SHISAL1: variants seen among roughly 807,000 people sequenced by gnomAD.
SHISAL1 encodes the protein protein shisa-like-1.
A neutral mutation model predicts 22.6 loss-of-function variants in SHISAL1; 9 were observed. The observed-to-expected ratio is 0.40, with a 90% CI of 0.24 to 0.70. The LOEUF is 0.70. SHISAL1 is among the 30% of genes least tolerant of loss of function. The pLI is 0.39. For synonymous variants in SHISAL1, 119 were observed against 115.4 expected (o/e 1.03, Z -0.20); for missense variants, 246 against 270.6 (o/e 0.91, Z 0.64).
chr22:44,304,553 T>C (rs1398773993), intron 1 of SHISAL1, among the ~76,000 whole-genome samples: 1 of 151,918 alleles, frequency 6.6e-6, no homozygotes, highest in Non-Finnish European at 1.5e-5. Context: ...CCCGCAGGCC[T>C]CTCTGCTCCC....
At chr22:44,265,114 C>T (rs942953688) in intron 4 of SHISAL1, among the ~76,000 whole-genome samples, 2 of 152,160 alleles carry the variant, frequency 1.3e-5, no homozygotes, top group Non-Finnish European at 2.9e-5. Context: ...TACATTGAGG[C>T]CTGTGGTACG....
At chr22:44,319,968 C>T in the SHISAL1 span, among the ~76,000 whole-genome samples, 94 of 152,212 alleles carry the variant, frequency 6.2e-4, no homozygotes, top group African/African-American at 2.2e-3. Flanking sequence ...TGATTCCAAT[C>T]CCACCTCCAT....
intron 4 of SHISAL1, among the ~76,000 whole-genome samples, chr22:44,258,683 T>C (rs1157301317): frequency 6.6e-6 from 1 of 152,190 alleles, no homozygotes; most frequent in Non-Finnish European, 1.5e-5. Context: ...TAGTCCATGG[T>C]GTATACATAG....
chr22:44,314,880 C>T (rs1007410318), upstream of SHISAL1, among the ~76,000 whole-genome samples: 25 of 152,152 alleles, frequency 1.6e-4, no homozygotes, highest in African/African-American at 6.0e-4. Context: ...CAGAACATTA[C>T]GGGGCATCTC....
rs1158465690 is a variant in SHISAL1, at chr22:44,310,025, A to G, written c.-33+2726T>C. On this transcript the variant is annotated intron_variant, in intron 1 of 4. Transcript: ENST00000381176. This position sits in a 1 kb window ranked among gnomAD's most constrained non-coding sequence, Gnocchi z 4.0. Reference sequence around the variant, plus strand: ...GGCAGCCAGAGTGTATGGCTGGAGAAGGACAGAGAAGCAGCCCGTTCGCCT... The same window carrying G: ...GGCAGCCAGAGTGTATGGCTGGAGAGGGACAGAGAAGCAGCCCGTTCGCCT... 6.6e-6 allele frequency among the ~76,000 whole-genome samples: 1 copy of G among 152,196 alleles called. No individual in the cohort carries two copies. The highest frequency in any genetic ancestry group is 1.9e-4 in the East Asian group (1 of 5,184).
chr22:44,321,753 G>C, the SHISAL1 span, among the ~76,000 whole-genome samples: 1 of 152,154 alleles, frequency 6.6e-6, no homozygotes, highest in Non-Finnish European at 1.5e-5. Flanking sequence ...GCAGGGAAGC[G>C]GGACCAACCC....
At chr22:44,330,984 G>T in the SHISAL1 span, among the ~76,000 whole-genome samples, 1 of 152,088 alleles carries the variant, frequency 6.6e-6, no homozygotes, top group Non-Finnish European at 1.5e-5. Flanking sequence ...CCGCAGCGTG[G>T]CCCTCAGTCC....
At chr22:44,250,527 C>CCA (rs1288805442) in intron 4 of SHISAL1, among the ~76,000 whole-genome samples, 1 of 152,128 alleles carries the variant, frequency 6.6e-6, no homozygotes, top group East Asian at 1.9e-4. Flanking sequence ...AGCATGAACC[C>CCA]CACTGCCCTG....
At chr22:44,268,165 G>A (rs770275462) in intron 4 of SHISAL1, among the ~76,000 whole-genome samples, 1 of 152,212 alleles carries the variant, frequency 6.6e-6, no homozygotes, top group African/African-American at 2.4e-5. Context: ...AATTTTTAAT[G>A]CTGCTTTGGT....
At chr22:44,272,610 G>C (rs1363898071) in intron 4 of SHISAL1, among the ~76,000 whole-genome samples, 1 of 152,160 alleles carries the variant, frequency 6.6e-6, no homozygotes. Context: ...CGTTTCCTTG[G>C]GGGGGACTAA....
upstream of SHISAL1, among the ~76,000 whole-genome samples, chr22:44,314,519 G>A (rs1451294226): frequency 1.3e-5 from 2 of 152,144 alleles, no homozygotes; most frequent in Non-Finnish European, 2.9e-5. Flanking sequence ...CACCCTACGA[G>A]GCAGGAATTT....
At position 44,263,010 on chromosome 22, in the gene SHISAL1, T is replaced by G. The variant is rs1015086314; in HGVS notation, c.*-13325A>C. ...CAGCAGCAGCAACAGCTTCTGTTAG[T>G]TAGTTGGTGCTGACGGTATGCATGT... is the stretch of plus-strand genomic sequence containing the variant. On this transcript the variant is annotated intron_variant, in intron 4 of 4. Transcript: ENST00000381176. Among the ~76,000 whole-genome samples the G allele has an allele frequency of 2.4e-4, 37 of 151,864 alleles. 1 individual carries two copies. Among genetic ancestry groups the G allele is most frequent in the Non-Finnish European group, 7.4e-5 (5 of 67,988 alleles).
At chr22:44,306,640 TGTGG>T (rs1468398934) in intron 1 of SHISAL1, among the ~76,000 whole-genome samples, 1 of 132,378 alleles carries the variant, frequency 7.6e-6, no homozygotes, top group East Asian at 2.2e-4. Context: ...CGATGGCGTG[TGTGG>T]AGGGGACCTG....
At chr22:44,322,504 A>G in the SHISAL1 span, among the ~76,000 whole-genome samples, 134 of 152,226 alleles carry the variant, frequency 8.8e-4, no homozygotes, top group Non-Finnish European at 1.7e-3. Flanking sequence ...CACCCACTGC[A>G]TGGAGCCCAA....
chr22:44,327,347 G>A, the SHISAL1 span, among the ~76,000 whole-genome samples: 1 of 152,100 alleles, frequency 6.6e-6, no homozygotes, highest in Non-Finnish European at 1.5e-5. Context: ...GTGTCCTGAG[G>A]GGCTGAACGA....
At chr22:44,294,503 T>G (rs938090152) in intron 3 of SHISAL1, among the ~76,000 whole-genome samples, 22 of 152,142 alleles carry the variant, frequency 1.4e-4, no homozygotes, top group Non-Finnish European at 2.9e-4. Context: ...GCCCCAAAAC[T>G]CAGCCTCATG....
chr22:44,289,449 T>A (rs1417128302), intron 3 of SHISAL1, among the ~76,000 whole-genome samples: 1 of 149,796 alleles, frequency 6.7e-6, no homozygotes, highest in Non-Finnish European at 1.5e-5. Context: ...ACCGTGCAGA[T>A]CAGTGTGTCA....
At position 44,310,334 on chromosome 22, in the gene SHISAL1, G is replaced by T. The variant is rs541751611; in HGVS notation, c.-33+2417C>A. On this transcript the variant is annotated intron_variant, in intron 1 of 4. Coordinates refer to ENST00000381176, the MANE Select transcript of SHISAL1 (RefSeq NM_001099294.2). This position sits in a 1 kb window ranked among gnomAD's most constrained non-coding sequence, Gnocchi z 4.0. ...TGAGATAAATAAACCACAGCTCAGA[G>T]AAACTAAGTGATTGCCCAGAGCTGG... Among the ~76,000 whole-genome samples the T allele has an allele frequency of 6.5e-4, 99 of 152,338 alleles. 1 individual carries two copies. The South Asian group carries it at 0.015, about 23-fold the overall frequency.
chr22:44,286,565 T>A (rs2055317408), intron 3 of SHISAL1, among the ~76,000 whole-genome samples: 1 of 152,154 alleles, frequency 6.6e-6, no homozygotes, highest in Admixed American at 6.5e-5. Flanking sequence ...CTCCCCTGCC[T>A]ACCTCCCACC....
Sources: allele counts gnomAD v4.1 joint callset (sites outside exome capture counted in the v4.1 genomes callset), GRCh38; gene constraint gnomAD v4.1.1; non-coding constraint Gnocchi (gnomAD v3.1); transcripts MANE v1.5; gene names NCBI Gene and HGNC (gene_info 2026-07-23, HGNC 2026-07-21).